The following ADAM22 variants were observed in gnomAD, a reference collection of about 807,000 sequenced individuals.
The protein encoded by ADAM22 is disintegrin and metalloproteinase domain-containing protein 22.
ADAM22 carries 65 observed loss-of-function variants against 144.6 expected under a neutral mutation model. That is an observed-to-expected ratio of 0.45 (90% CI 0.37 to 0.55). The LOEUF (loss-of-function observed/expected upper bound fraction) is 0.55. Ranked by LOEUF, ADAM22 falls within the 20% of genes least tolerant of loss-of-function variation. The pLI is 0.00. For missense variants in ADAM22, 974 were observed against 1,184.9 expected, an observed-to-expected ratio of 0.82 and a Z score of 2.61; for synonymous variants, 391 against 412.6, an observed-to-expected ratio of 0.95 and a Z score of 0.63.
chr7:88,102,790 C>T (rs1823287483), intron 4 of ADAM22, among the ~76,000 whole-genome samples: 1 of 152,176 alleles, frequency 6.6e-6, no homozygotes, highest in Non-Finnish European at 1.5e-5. Flanking sequence ...TATTGCCTGA[C>T]TACACCTCCC....
At chr7:87,963,755 T>G (rs1217602187) in intron 2 of ADAM22, among the ~76,000 whole-genome samples, 2 of 152,202 alleles carry the variant, frequency 1.3e-5, no homozygotes, top group Non-Finnish European at 2.9e-5. Flanking sequence ...CTCTAGCTAC[T>G]GGCTCCAGAG....
chr7:88,084,053 A>T (rs1817736124), intron 4 of ADAM22, among the ~76,000 whole-genome samples: 1 of 152,196 alleles, frequency 6.6e-6, no homozygotes, highest in Non-Finnish European at 1.5e-5. Flanking sequence ...TAAAGAGGAA[A>T]GGAAACAGGC....
At chr7:88,004,045 A>G (rs1450516053) in intron 3 of ADAM22, among the ~76,000 whole-genome samples, 2 of 152,240 alleles carry the variant, frequency 1.3e-5, no homozygotes, top group African/African-American at 2.4e-5. Flanking sequence ...ATCTTTAACC[A>G]TGTAAGCAGA....
Position 88,120,823 on chromosome 7 carries a change from TA to T in ADAM22, c.607+4011del. On this transcript the variant is annotated intron_variant, in intron 7 of 31. Coordinates refer to ENST00000413139, the MANE Select transcript of ADAM22 (RefSeq NM_001324418.2). ...TCGTTATTGCTTTCTCTATGCTAAG[TA>T]ATTTTTGCTAGCTCCCAAGTTTTGA... 1.3e-5 allele frequency among the ~76,000 whole-genome samples: 2 copies of T among 152,366 alleles called. 1 individual carries two copies. The highest frequency in any genetic ancestry group is 2.9e-5 in the Non-Finnish European group (2 of 68,034).
intron 25 of ADAM22, among the ~76,000 whole-genome samples, chr7:88,171,112 A>G (rs182755421): frequency 5.9e-5 from 9 of 151,974 alleles, no homozygotes; most frequent in Non-Finnish European, 4.4e-5. Flanking sequence ...GAATAACTAT[A>G]GTTTGGGGTT....
intron 27 of ADAM22, among the ~76,000 whole-genome samples, chr7:88,180,152 C>G (rs997052152): frequency 3.9e-5 from 6 of 152,064 alleles, no homozygotes; most frequent in African/African-American, 1.4e-4. Context: ...ATAATTTTCA[C>G]TTAGATAATG....
chr7:88,082,138 C>G (rs999296908), intron 4 of ADAM22, among the ~76,000 whole-genome samples: 12 of 152,122 alleles, frequency 7.9e-5, no homozygotes, highest in African/African-American at 1.7e-4. Flanking sequence ...CCAAAACAGA[C>G]ATATAGACCA....
At chr7:88,039,770 C>T (rs527463513) in intron 3 of ADAM22, among the ~76,000 whole-genome samples, 50 of 151,858 alleles carry the variant, frequency 3.3e-4, no homozygotes, top group Non-Finnish European at 6.0e-4. Context: ...ACTGAATATA[C>T]TCTCGCCACT....
chr7:88,091,940 TAA>T (rs1428594726), intron 4 of ADAM22, among the ~76,000 whole-genome samples: 1 of 152,146 alleles, frequency 6.6e-6, no homozygotes, highest in African/African-American at 2.4e-5. Flanking sequence ...CAATGCCTTC[TAA>T]AGACTCCCCC....
Position 88,076,285 on chromosome 7 carries a change from G to A in ADAM22, c.390+593G>A, listed in dbSNP as rs567611163. Among the ~76,000 whole-genome samples, 193 of 152,188 alleles carry A rather than the reference G, an allele frequency of 1.3e-3. 3 individuals are homozygous for A. Among genetic ancestry groups the A allele is most frequent in the African/African-American group, 4.5e-3 (185 of 41,530 alleles). The stretch of plus-strand genomic sequence containing the variant: ...ACTTCAGACCTCAGGTGATCCACCC[G>A]CTCCGGCCTCCCAAAGTGCTGGGAT... On this transcript the variant is annotated intron_variant, in intron 4 of 31. Coordinates refer to ENST00000413139, the MANE Select transcript of ADAM22 (RefSeq NM_001324418.2).
chr7:88,108,324 G>A (rs1825004093), intron 5 of ADAM22, 66 bp downstream of exon 5: 1 of 1,267,788 alleles, frequency 7.9e-7, no homozygotes, highest in Non-Finnish European at 1.1e-6. Context: ...TATTATGAAT[G>A]CACTATAGTA....
At chr7:87,960,378 G>GTGTT (rs1847767417) in intron 2 of ADAM22, among the ~76,000 whole-genome samples, 1 of 150,576 alleles carries the variant, frequency 6.6e-6, no homozygotes, top group Non-Finnish European at 1.5e-5. Context: ...GTAGTGGGGT[G>GTGTT]TGTGTGTGTG....
intron 5 of ADAM22, among the ~76,000 whole-genome samples, chr7:88,113,724 A>ATATAT (rs1554478864): frequency 2.1e-4 from 25 of 118,964 alleles, no homozygotes; most frequent in African/African-American, 8.2e-4. Context: ...ATATATATAT[A>ATATAT]TATATATATA....
intron 4 of ADAM22, among the ~76,000 whole-genome samples, chr7:88,078,503 C>G (rs1169541178): frequency 2.0e-5 from 3 of 152,256 alleles, no homozygotes; most frequent in Non-Finnish European, 4.4e-5. Context: ...CGGAGAATGA[C>G]TTTGACGAGT....
At chr7:87,955,291 G>A (rs1386849597) in intron 2 of ADAM22, among the ~76,000 whole-genome samples, 1 of 152,124 alleles carries the variant, frequency 6.6e-6, no homozygotes, top group Non-Finnish European at 1.5e-5. Context: ...TTTGATGATG[G>A]TGATGTACAG....
intron 4 of ADAM22, among the ~76,000 whole-genome samples, chr7:88,081,430 C>T (rs1224524833): frequency 2.0e-5 from 3 of 152,144 alleles, no homozygotes; most frequent in African/African-American, 7.2e-5. Context: ...AAAACCGGCA[C>T]AAGACAGGGA....
intron 3 of ADAM22, among the ~76,000 whole-genome samples, chr7:88,054,629 T>TGTGTGTGTGTGA (rs1807676873): frequency 6.7e-6 from 1 of 148,326 alleles, no homozygotes; most frequent in East Asian, 2.0e-4. Flanking sequence ...TGTGTGTGTG[T>TGTGTGTGTGTGA]GTGATTCCTC....
At chr7:87,968,253 C>CTGTTGGCTATACCTTAGAA (rs1458726740) in intron 2 of ADAM22, among the ~76,000 whole-genome samples, 16 of 152,186 alleles carry the variant, frequency 1.1e-4, no homozygotes, top group Non-Finnish European at 1.0e-4. Flanking sequence ...TGCTTTTCAA[C>CTGTTGGCTATACCTTAGAA]TGTTGGCTAT....
intron 3 of ADAM22, among the ~76,000 whole-genome samples, chr7:87,986,445 C>A (rs1304289293): frequency 6.6e-6 from 1 of 152,070 alleles, no homozygotes; most frequent in Non-Finnish European, 1.5e-5. Flanking sequence ...AGAGAATGAT[C>A]CAAGGAAGAG....
Sources: gnomAD v4.1 joint callset for allele counts (sites outside exome capture counted in the v4.1 genomes callset) on GRCh38, gnomAD v4.1.1 for gene constraint, MANE v1.5 for transcripts, NCBI Gene and HGNC (gene_info 2026-07-23, HGNC 2026-07-21) for gene names.